Variants in PHF24 observed in about 807,000 individuals in gnomAD.
PHF24 encodes the protein Galpha inhibitory interacting protein.
A neutral mutation model predicts 42.6 loss-of-function variants in PHF24; 25 were observed. The ratio of observed to expected loss-of-function variants is 0.59; its 90% CI spans 0.43 to 0.82. The LOEUF is 0.82. Among genes scored for constraint, PHF24 ranks in the 40% least tolerant of loss-of-function variants. PHF24 has a pLI of 0.00. For missense variants in PHF24, 470 were observed against 538.1 expected, an observed-to-expected ratio of 0.87 and a Z score of 1.25; for synonymous variants, 185 against 204.8, an observed-to-expected ratio of 0.90 and a Z score of 0.83.
the PHF24 span, among the ~76,000 whole-genome samples, chr9:34,850,925 C>A: frequency 6.6e-6 from 1 of 152,208 alleles, no homozygotes; most frequent in South Asian, 2.1e-4. Flanking sequence ...TTTTTGTGAA[C>A]CGCGAATGCT....
the PHF24 span, among the ~76,000 whole-genome samples, chr9:34,688,268 A>G: frequency 6.6e-6 from 1 of 152,170 alleles, no homozygotes; most frequent in African/African-American, 2.4e-5. Context: ...CCTTGCTGTC[A>G]TCTGACCCCA....
the PHF24 span, among the ~76,000 whole-genome samples, chr9:34,684,926 C>T: frequency 5.0e-3 from 758 of 152,208 alleles, 6 homozygotes; most frequent in African/African-American, 0.017. Flanking sequence ...ACCCAAAGGC[C>T]CTAGAAGTAG....
chr9:34,865,591 TAAAA>T, the PHF24 span, among the ~76,000 whole-genome samples: 12 of 151,408 alleles, frequency 7.9e-5, no homozygotes, highest in Admixed American at 5.3e-4. Context: ...ATAAAAATAA[TAAAA>T]AAAATAAATG....
the PHF24 span, among the ~76,000 whole-genome samples, chr9:34,846,159 C>T: frequency 1.1e-3 from 162 of 152,230 alleles, no homozygotes; most frequent in African/African-American, 3.7e-3. Flanking sequence ...GTTCTAGATC[C>T]CTGAGGAATC....
the PHF24 span, among the ~76,000 whole-genome samples, chr9:34,880,300 C>A: frequency 2.0e-5 from 3 of 152,148 alleles, no homozygotes; most frequent in East Asian, 5.8e-4. Context: ...AACTAACGAG[C>A]AAAATAACCA....
chr9:34,761,504 A>G, the PHF24 span, among the ~76,000 whole-genome samples: 1 of 152,180 alleles, frequency 6.6e-6, no homozygotes, highest in African/African-American at 2.4e-5. Context: ...GATAAATGCT[A>G]TGAAGAAAGA....
chr9:34,941,022 C>T, the PHF24 span, among the ~76,000 whole-genome samples: 1 of 152,096 alleles, frequency 6.6e-6, no homozygotes, highest in Non-Finnish European at 1.5e-5. Context: ...GACCAGGACA[C>T]CTCCAATTTT....
At chr9:34,971,353 C>G (rs759418491) in exon 2 of PHF24, 2 of 1,613,842 alleles carry the variant, frequency 1.2e-6, no homozygotes, top group Admixed American at 3.3e-5. Context: ...GAAGGTGAGT[C>G]TGGCTGTGTC....
At chr9:34,885,715 C>T in the PHF24 span, among the ~76,000 whole-genome samples, 1 of 152,244 alleles carries the variant, frequency 6.6e-6, no homozygotes, top group South Asian at 2.1e-4. Context: ...CAGCCCCATG[C>T]TCTTGCTCAG....
chr9:34,703,323 C>A, the PHF24 span, among the ~76,000 whole-genome samples: 5 of 152,148 alleles, frequency 3.3e-5, no homozygotes, highest in African/African-American at 1.2e-4. Flanking sequence ...CACCCACCAC[C>A]ATGCCTGGCT....
the PHF24 span, among the ~76,000 whole-genome samples, chr9:34,811,135 T>C: frequency 1.3e-5 from 2 of 152,162 alleles, no homozygotes; most frequent in Non-Finnish European, 2.9e-5. Flanking sequence ...TAAAATGAGA[T>C]TTAGAAAGAT....
the PHF24 span, among the ~76,000 whole-genome samples, chr9:34,753,072 A>G: frequency 6.6e-6 from 1 of 152,206 alleles, no homozygotes; most frequent in Admixed American, 6.5e-5. Context: ...CACAGCTAGT[A>G]TCATACTGAA....
chr9:34,859,970 G>A, the PHF24 span, among the ~76,000 whole-genome samples: 23 of 152,190 alleles, frequency 1.5e-4, no homozygotes, highest in African/African-American at 5.5e-4. Flanking sequence ...TACCAGAGGG[G>A]AACTCTCTTC....
At chr9:34,897,543 A>G in the PHF24 span, among the ~76,000 whole-genome samples, 1 of 152,262 alleles carries the variant, frequency 6.6e-6, no homozygotes, top group African/African-American at 2.4e-5. Context: ...TTTTATGTTA[A>G]GCATATCTTA....
chr9:34,972,300 T>A, intron 2 of PHF24, 46 bp from the exon 3 acceptor site: 1 of 1,531,944 alleles, frequency 6.5e-7, no homozygotes, highest in Non-Finnish European at 8.9e-7. Flanking sequence ...GGAATCTTGC[T>A]GCCTACATTT....
At chr9:34,951,838 G>T in the PHF24 span, among the ~76,000 whole-genome samples, 1 of 152,216 alleles carries the variant, frequency 6.6e-6, no homozygotes, top group Admixed American at 6.5e-5. Context: ...AAGACTGAAG[G>T]CTCTGGATTC....
chr9:34,704,582 C>T, the PHF24 span, among the ~76,000 whole-genome samples: 119 of 152,092 alleles, frequency 7.8e-4, 1 homozygote, highest in African/African-American at 2.7e-3. Context: ...ACCTGTAATC[C>T]CAGCACTTTG....
chr9:34,718,933 A>T, the PHF24 span, among the ~76,000 whole-genome samples: 1 of 152,248 alleles, frequency 6.6e-6, no homozygotes, highest in Non-Finnish European at 1.5e-5. Flanking sequence ...GCCATTCACC[A>T]TGACATGATG....
chr9:34,768,067 A>G, the PHF24 span, among the ~76,000 whole-genome samples: 2 of 152,214 alleles, frequency 1.3e-5, no homozygotes, highest in East Asian at 1.9e-4. Flanking sequence ...TGCAAATGCT[A>G]TATTTGAATG....
Sources: gnomAD v4.1 joint callset for allele counts (sites outside exome capture counted in the v4.1 genomes callset) on GRCh38, gnomAD v4.1.1 for gene constraint, MANE v1.5 for transcripts, NCBI Gene and HGNC (gene_info 2026-07-23, HGNC 2026-07-21) for gene names.